PDE3B: variants seen among roughly 807,000 people sequenced by gnomAD.
PDE3B encodes cGMP-inhibited 3',5'-cyclic phosphodiesterase 3B.
In PDE3B, 66 loss-of-function variants were observed where a neutral mutation model predicts 116.8. The observed-to-expected ratio is 0.56, with a 90% CI of 0.46 to 0.69. PDE3B has a LOEUF of 0.69. PDE3B is among the 30% of genes least tolerant of loss of function. PDE3B has a pLI of 0.00. For missense variants in PDE3B, 1,384 were observed against 1,368.1 expected (o/e 1.01, Z -0.18); for synonymous variants, 595 against 533.6 (o/e 1.12, Z -1.59).
intron 12 of PDE3B, among the ~76,000 whole-genome samples, chr11:14,853,660 C>A (rs1356555113): frequency 6.6e-6 from 1 of 152,146 alleles, no homozygotes; most frequent in East Asian, 1.9e-4. Context: ...GCATATAATA[C>A]CACCAGCTGG....
intron 14 of PDE3B, among the ~76,000 whole-genome samples, chr11:14,865,595 C>T (rs1173167742): frequency 1.3e-5 from 2 of 151,976 alleles, no homozygotes; most frequent in African/African-American, 4.8e-5. Flanking sequence ...TACAAAATGC[C>T]GTACTGTATA....
chr11:14,743,249 A>G (rs1856817592), intron 1 of PDE3B, among the ~76,000 whole-genome samples: 1 of 152,150 alleles, frequency 6.6e-6, no homozygotes. Flanking sequence ...TATTTCAGAG[A>G]TACCCTGCCC....
chr11:14,893,321 C>A, the PDE3B span, among the ~76,000 whole-genome samples: 10 of 152,198 alleles, frequency 6.6e-5, no homozygotes, highest in African/African-American at 2.4e-4. Context: ...TGGGGAGATA[C>A]TTTAGCAGGC....
chr11:14,675,289 G>A (rs954255687), intron 1 of PDE3B, among the ~76,000 whole-genome samples: 10 of 152,064 alleles, frequency 6.6e-5, no homozygotes, highest in Admixed American at 2.6e-4. Flanking sequence ...CTTAAGAGCA[G>A]ACATAATCTT....
At position 14,835,060 on chromosome 11, in the gene PDE3B, A is replaced by C. The variant is rs370929121; in HGVS notation, c.2285A>C (p.Gln762Pro). ...LTTRPVPGLQQIHNGCGTGNE... is the reference protein window; with the variant it reads ...LTTRPVPGLQPIHNGCGTGNE... ...ACACGGCCAGTTCCTGGCTTACAGC[A>C]GATCCACAATGGTTGTGGAACAGGA... The change falls in exon 11 of 16, where the codon CAG (glutamine) becomes CCG (proline). Residue 762 changes from glutamine (Q) to proline (P), a missense_variant. Physicochemically the swap from Gln to Pro is moderately conservative, Grantham distance 76. Coordinates refer to ENST00000282096, the MANE Select transcript of PDE3B (RefSeq NM_000922.4). The C allele has an allele frequency of 1.2e-6, 2 of 1,612,376 alleles. No homozygotes were observed. Among genetic ancestry groups the C allele is most frequent in the Admixed American group, 3.3e-5 (2 of 59,806 alleles).
At chr11:14,812,875 A>G (rs1338711318) in intron 5 of PDE3B, among the ~76,000 whole-genome samples, 2 of 152,110 alleles carry the variant, frequency 1.3e-5, no homozygotes, top group African/African-American at 4.8e-5. Flanking sequence ...CCTCAGTGTG[A>G]TGGTATTTGG....
chr11:14,643,951 C>G lies in PDE3B; in HGVS notation c.-125C>G. 7.5e-7 allele frequency: 1 copy of G among 1,328,436 alleles called. No individual in the cohort carries two copies. The highest frequency in any genetic ancestry group is 9.6e-7 in the Non-Finnish European group (1 of 1,037,202). 82.3% of individuals were successfully genotyped at this position (1,328,436 alleles called of 1,614,324 possible). ...GGGGACCCCGGGCCGTGGCGGCCGG[C>G]GCAGCCCTGACGGGTTGCGAACCAG... On this transcript the variant is annotated 5_prime_UTR_variant, in exon 1 of 16. Transcript: ENST00000282096.
At chr11:14,880,622 A>G in the PDE3B span, 2 of 1,608,586 alleles carry the variant, frequency 1.2e-6, no homozygotes, top group East Asian at 2.2e-5. Context: ...CTACCTTTGT[A>G]TGTTTCAATA....
intron 1 of PDE3B, among the ~76,000 whole-genome samples, chr11:14,716,520 G>A (rs1855902027): frequency 6.7e-6 from 1 of 148,180 alleles, no homozygotes; most frequent in Non-Finnish European, 1.5e-5. Flanking sequence ...AAATGTCCCT[G>A]TCTGACAGCT....
At chr11:14,761,595 G>A (rs966693963) in intron 1 of PDE3B, among the ~76,000 whole-genome samples, 21 of 152,110 alleles carry the variant, frequency 1.4e-4, no homozygotes, top group African/African-American at 2.4e-4. Context: ...TATTCAGAGC[G>A]TAAAACTTTT....
At chr11:14,866,872 T>C (rs1441170500) in intron 14 of PDE3B, among the ~76,000 whole-genome samples, 2 of 152,172 alleles carry the variant, frequency 1.3e-5, no homozygotes, top group African/African-American at 2.4e-5. Flanking sequence ...CATTTGTACA[T>C]AGAGCTTGCC....
chr11:14,674,127 A>G, intron 1 of PDE3B: 1 of 1,461,844 alleles, frequency 6.8e-7, no homozygotes, highest in South Asian at 1.1e-5. Flanking sequence ...CATTTTCAAC[A>G]GTAGGATCTA....
At chr11:14,844,900 TG>T (rs1220648701) in intron 12 of PDE3B, among the ~76,000 whole-genome samples, 1 of 152,348 alleles carries the variant, frequency 6.6e-6, no homozygotes, top group African/African-American at 2.4e-5. Context: ...GCTCCACCTC[TG>T]GGGGCAGGGC....
chr11:14,653,564 CA>C (rs200748830), intron 1 of PDE3B, among the ~76,000 whole-genome samples: 16 of 147,644 alleles, frequency 1.1e-4, no homozygotes, highest in South Asian at 2.2e-4. Context: ...GACTCCGTCT[CA>C]AAAAAAAACC....
At chr11:14,668,106 A>G (rs999923688) in intron 1 of PDE3B, among the ~76,000 whole-genome samples, 3 of 151,610 alleles carry the variant, frequency 2.0e-5, no homozygotes, top group African/African-American at 7.3e-5. Context: ...AAAGGGGGAG[A>G]CATCCAGGTA....
Position 14,832,811 on chromosome 11 carries a change from A to T in PDE3B, c.2184A>T (p.Glu728Asp). The change falls in exon 10 of 16, where the codon GAA becomes GAT. Residue 728 changes from glutamate to aspartate, a missense_variant. Coordinates refer to ENST00000282096, the MANE Select transcript of PDE3B (RefSeq NM_000922.4). ...QQFMNYFRAL[E>D]NGYRDIPYHN... Reference sequence around the variant, plus strand: ...TTATGAACTATTTTCGTGCATTAGAAAATGGCTATCGAGACATTCCTTGTA... The same window carrying T: ...TTATGAACTATTTTCGTGCATTAGATAATGGCTATCGAGACATTCCTTGTA... 1 of 1,489,290 alleles carries T rather than the reference A, an allele frequency of 6.7e-7. No homozygotes were observed. Among genetic ancestry groups the T allele is most frequent in the Non-Finnish European group, 9.3e-7 (1 of 1,079,512 alleles). 92.3% of individuals were successfully genotyped at this position (1,489,290 alleles called of 1,614,324 possible). A position where few individuals can be genotyped will look rare whatever the true frequency, so the allele number is the denominator to read the frequency against.
chr11:14,835,226 T>A, intron 11 of PDE3B, 131 bp downstream of exon 11: 1 of 551,930 alleles, frequency 1.8e-6, no homozygotes, highest in Non-Finnish European at 3.2e-6. Flanking sequence ...ACTGTGTACG[T>A]TTTTTTAACC....
intron 1 of PDE3B, among the ~76,000 whole-genome samples, chr11:14,706,731 A>T (rs1855545789): frequency 6.6e-6 from 1 of 151,992 alleles, no homozygotes; most frequent in Admixed American, 6.6e-5. Context: ...ACTTATTATC[A>T]ATTCATTAGG....
At chr11:14,725,004 C>T (rs1410951992) in intron 1 of PDE3B, among the ~76,000 whole-genome samples, 1 of 152,130 alleles carries the variant, frequency 6.6e-6, no homozygotes, top group African/African-American at 2.4e-5. Context: ...CGTAAATAAA[C>T]ATAAATACTT....
Sources: allele counts gnomAD v4.1 joint callset (sites outside exome capture counted in the v4.1 genomes callset), GRCh38; gene constraint gnomAD v4.1.1; transcripts MANE v1.5; gene names NCBI Gene and HGNC (gene_info 2026-07-23, HGNC 2026-07-21).